The following BEAN1 variants were observed in gnomAD, a reference collection of about 807,000 sequenced individuals.
The protein encoded by BEAN1 is protein BEAN1.
BEAN1 carries 17 observed loss-of-function variants against 17.7 expected under a neutral mutation model. That is an observed-to-expected ratio of 0.96 (90% CI 0.66 to 1.44). The LOEUF (loss-of-function observed/expected upper bound fraction) is 1.44, where lower values mean the gene tolerates loss of function less well. BEAN1 is among the 40% of genes most tolerant of loss of function. BEAN1 has a pLI of 0.00. For synonymous variants in BEAN1, 142 were observed against 151.8 expected, an observed-to-expected ratio of 0.94 and a Z score of 0.47; for missense variants, 359 against 374.1, an observed-to-expected ratio of 0.96 and a Z score of 0.33.
chr16:66,437,603 AG>A lies in BEAN1; in HGVS notation c.-70del. 6.8e-7 allele frequency: 1 copy of A among 1,474,294 alleles called. No individual in the cohort carries two copies. Among genetic ancestry groups the A allele is most frequent in the Non-Finnish European group, 9.1e-7 (1 of 1,094,698 alleles). 91.3% of individuals were successfully genotyped at this position (1,474,294 alleles called of 1,614,324 possible). ...TGTTTGTGTCTCCGCAGGTGAGTGG[AG>A]GGGCCTTCCCTGCGAGAAGTCAGAG... On this transcript the variant is annotated 5_prime_UTR_variant, in exon 2 of 5. Coordinates refer to ENST00000536005, the MANE Select transcript of BEAN1 (RefSeq NM_001178020.3).
chr16:66,452,956 C>G (rs1962729734), intron 2 of BEAN1, among the ~76,000 whole-genome samples: 1 of 152,178 alleles, frequency 6.6e-6, no homozygotes, highest in Non-Finnish European at 1.5e-5. Flanking sequence ...TTGGGCAAGT[C>G]ACTTCACCTT....
At chr16:66,457,289 T>A (rs1279754497) in intron 2 of BEAN1, among the ~76,000 whole-genome samples, 1 of 152,196 alleles carries the variant, frequency 6.6e-6, no homozygotes, top group African/African-American at 2.4e-5. Flanking sequence ...GTTGAGTAGA[T>A]GCATAGATAG....
intron 2 of BEAN1, among the ~76,000 whole-genome samples, chr16:66,446,464 A>C (rs1266788065): frequency 1.3e-5 from 2 of 152,136 alleles, no homozygotes; most frequent in Admixed American, 1.3e-4. Flanking sequence ...GAGTTTTGAC[A>C]TGTTTTGTCT....
chr16:66,442,551 G>A (rs772743498), intron 2 of BEAN1, among the ~76,000 whole-genome samples: 1 of 152,138 alleles, frequency 6.6e-6, no homozygotes, highest in South Asian at 2.1e-4. Context: ...GGCAGGAATC[G>A]CAGCCAGGCA....
exon 5 of BEAN1, chr16:66,493,455 A>G (rs753648974): frequency 6.2e-5 from 38 of 608,872 alleles, no homozygotes; most frequent in Non-Finnish European, 1.2e-5. Flanking sequence ...CCCCAGTGCC[A>G]TGGCAGCACA....
intron 3 of BEAN1, 51 bp downstream of exon 3, chr16:66,469,916 C>T (rs1963411549): frequency 7.9e-6 from 12 of 1,515,650 alleles, no homozygotes; most frequent in Non-Finnish European, 1.1e-5. Context: ...ACTGGGATTG[C>T]AACACAGGAG....
intron 2 of BEAN1, among the ~76,000 whole-genome samples, chr16:66,445,559 TA>T (rs889382771): frequency 3.9e-4 from 53 of 136,984 alleles, no homozygotes; most frequent in African/African-American, 1.4e-3. Flanking sequence ...ACCAAGAAGG[TA>T]ACACTGGAAC....
intron 1 of BEAN1, among the ~76,000 whole-genome samples, chr16:66,436,591 T>A (rs974595457): frequency 6.6e-6 from 1 of 151,060 alleles, no homozygotes; most frequent in African/African-American, 2.4e-5. Context: ...TTTTTTTTTT[T>A]TAAAGAGAGG....
chr16:66,476,556 C>T (rs1963756339), intron 3 of BEAN1, among the ~76,000 whole-genome samples: 1 of 152,332 alleles, frequency 6.6e-6, no homozygotes, highest in African/African-American at 2.4e-5. Context: ...GACCTCGTGT[C>T]TCAGCCACCT....
At chr16:66,431,023 G>A (rs1355104577) in intron 1 of BEAN1, among the ~76,000 whole-genome samples, 1 of 152,146 alleles carries the variant, frequency 6.6e-6, no homozygotes, top group Non-Finnish European at 1.5e-5. Context: ...AAGTGCCAAG[G>A]ATAATTTGAT....
Position 66,437,684 on chromosome 16 carries a change from T to G in BEAN1, c.8T>G (p.Phe3Cys), listed in dbSNP as rs1467215247. 6.5e-7 allele frequency: 1 copy of G among 1,536,006 alleles called. No individual in the cohort carries two copies. ...TTCTGCTCCAAGGATTACATGTCCT[T>G]CAAACGTCCCTGCCCCTGTAAGTTT... MS[F>C]KRPCPLARYN... The change falls in exon 2 of 5, where the codon TTC (phenylalanine) becomes TGC (cysteine). Residue 3 changes from phenylalanine (F) to cysteine (C), a missense_variant. Phe to Cys is a radical substitution (Grantham distance 205). Coordinates refer to ENST00000536005, the MANE Select transcript of BEAN1 (RefSeq NM_001178020.3).
At chr16:66,435,767 A>T (rs1596975964) in intron 1 of BEAN1, among the ~76,000 whole-genome samples, 1 of 152,296 alleles carries the variant, frequency 6.6e-6, no homozygotes, top group Admixed American at 6.5e-5. Context: ...GATTACAAGC[A>T]TGAGCCACCA....
intron 4 of BEAN1, chr16:66,479,263 A>T (rs1395082747): frequency 6.6e-6 from 1 of 152,478 alleles, no homozygotes; most frequent in African/African-American, 2.4e-5. Context: ...GGTGCAGCTC[A>T]TCTAAAGGAC....
intron 2 of BEAN1, chr16:66,451,490 G>T (rs1157767026): frequency 6.6e-6 from 1 of 152,064 alleles, no homozygotes; most frequent in Non-Finnish European, 1.5e-5. Context: ...TATCTTCTGT[G>T]TCCTGTTTAA....
intron 4 of BEAN1, among the ~76,000 whole-genome samples, chr16:66,488,799 T>C (rs1317105273): frequency 1.3e-5 from 2 of 152,102 alleles, no homozygotes; most frequent in Non-Finnish European, 2.9e-5. Context: ...CTCTAGGAAC[T>C]GGAAAAAGCA....
rs551922045 is a variant in BEAN1 at position 66,478,763 on chromosome 16, G to A, written c.440+1053G>A. Among the ~76,000 whole-genome samples, 6 of 152,338 alleles carry A rather than the reference G, an allele frequency of 3.9e-5. No homozygotes were observed. In the South Asian group the frequency reaches 1.2e-3, roughly 32 times the overall value. On this transcript the variant is annotated intron_variant, in intron 4 of 4. Coordinates refer to ENST00000536005, the MANE Select transcript of BEAN1 (RefSeq NM_001178020.3). ...CAGGTGATAACTATCATGCTGAGGA[G>A]GACGAGGGGAGGGGATCAGGGAGGA...
At chr16:66,482,877 G>C (rs184552895), downstream of BEAN1, 37 of 455,754 alleles carry the variant, frequency 8.1e-5, no homozygotes, top group East Asian at 1.7e-3. Context: ...TTTTTCTTCA[G>C]ACAGGGTCTC....
At chr16:66,437,347 A>G (rs1016551549) in intron 1 of BEAN1, among the ~76,000 whole-genome samples, 1 of 152,072 alleles carries the variant, frequency 6.6e-6, no homozygotes, top group African/African-American at 2.4e-5. Flanking sequence ...CACCCAAGAG[A>G]GATATCTCCT....
At chr16:66,465,794 TTC>T (rs1173986717) in intron 2 of BEAN1, among the ~76,000 whole-genome samples, 1 of 152,216 alleles carries the variant, frequency 6.6e-6, no homozygotes, top group African/African-American at 2.4e-5. Flanking sequence ...TCGCCAGAGT[TTC>T]TGTTTCTTTT....
Sources: gnomAD v4.1 joint callset for allele counts (sites outside exome capture counted in the v4.1 genomes callset) on GRCh38, gnomAD v4.1.1 for gene constraint, MANE v1.5 for transcripts, NCBI Gene and HGNC (gene_info 2026-07-23, HGNC 2026-07-21) for gene names.